The following ADGRB3 variants were observed in gnomAD, a reference collection of about 807,000 sequenced individuals.
The protein encoded by ADGRB3 is adhesion G protein-coupled receptor B3.
Under a neutral mutation model 193.4 loss-of-function variants are expected in ADGRB3, and 37 were observed. The observed-to-expected ratio is 0.19, with a 90% CI of 0.15 to 0.25. The LOEUF (loss-of-function observed/expected upper bound fraction) is 0.25. ADGRB3 is among the 10% of genes least tolerant of loss of function. The pLI, the probability that ADGRB3 is intolerant of heterozygous loss-of-function variation, is 1.00. For missense variants in ADGRB3, 1,637 were observed against 1,852.9 expected (o/e 0.88, Z 2.14); for synonymous variants, 690 against 644.2 (o/e 1.07, Z -1.08).
At chr6:69,373,033 T>G (rs1177298886) in intron 30 of ADGRB3, among the ~76,000 whole-genome samples, 4 of 152,050 alleles carry the variant, frequency 2.6e-5, no homozygotes. Flanking sequence ...TGAATTTATA[T>G]TGATGCTGTA....
At chr6:68,919,255 T>G (rs1378416254) in intron 3 of ADGRB3, among the ~76,000 whole-genome samples, 1 of 152,258 alleles carries the variant, frequency 6.6e-6, no homozygotes, top group East Asian at 1.9e-4. Context: ...TCTGCAGTAT[T>G]TCTGCTCAAA....
chr6:68,952,166 C>T (rs145334292), intron 6 of ADGRB3, among the ~76,000 whole-genome samples: 34 of 152,110 alleles, frequency 2.2e-4, no homozygotes, highest in African/African-American at 6.7e-4. Context: ...ATTTTTTTCT[C>T]ATTCAGTAAA....
rs562170701 is a variant in ADGRB3 at position 69,150,754 on chromosome 6, A to G, written c.2480+74716A>G. Among the ~76,000 whole-genome samples, 52 of 152,338 alleles carry G rather than the reference A, an allele frequency of 3.4e-4. 1 individual carries two copies. Among genetic ancestry groups the G allele is most frequent in the African/African-American group, 1.3e-3 (52 of 41,594 alleles). On this transcript the variant is annotated intron_variant, in intron 17 of 31. Coordinates refer to ENST00000370598, the MANE Select transcript of ADGRB3 (RefSeq NM_001704.3). ...AGTCAGCATATCTCACCCAAGGCCC[A>G]GAGTGTGTACTACCTGGTTATTGCT...
chr6:68,959,790 G>C (rs1185835770), intron 8 of ADGRB3, among the ~76,000 whole-genome samples: 1 of 152,040 alleles, frequency 6.6e-6, no homozygotes, highest in African/African-American at 2.4e-5. Flanking sequence ...AATAATGCTA[G>C]TTGGGCTATA....
At chr6:68,802,076 A>G (rs1767322238) in intron 3 of ADGRB3, among the ~76,000 whole-genome samples, 1 of 151,900 alleles carries the variant, frequency 6.6e-6, no homozygotes, top group African/African-American at 2.4e-5. Context: ...TTCAATGGAT[A>G]CACCCAAGGG....
Position 69,094,655 on chromosome 6 carries a change from G to A in ADGRB3, c.2480+18617G>A, listed in dbSNP as rs145184155. Reference sequence around the variant, plus strand: ...TACCAAATGTGTTTATTTTCTCATAGAGCATTCAAATCTTCATGGTTGGCT... The same window carrying A: ...TACCAAATGTGTTTATTTTCTCATAAAGCATTCAAATCTTCATGGTTGGCT... On this transcript the variant is annotated intron_variant, in intron 17 of 31. Coordinates refer to ENST00000370598, the MANE Select transcript of ADGRB3 (RefSeq NM_001704.3). Among the ~76,000 whole-genome samples the A allele has an allele frequency of 3.9e-5, 6 of 152,214 alleles. No individual in the cohort carries two copies. In the East Asian group the frequency reaches 1.2e-3, roughly 29 times the overall value.
At chr6:68,733,516 C>T (rs1015880773) in intron 3 of ADGRB3, among the ~76,000 whole-genome samples, 38 of 151,690 alleles carry the variant, frequency 2.5e-4, no homozygotes, top group Admixed American at 2.4e-3. Flanking sequence ...GCATTGAAAA[C>T]CTACCTTTTG....
intron 3 of ADGRB3, among the ~76,000 whole-genome samples, chr6:68,724,275 C>T (rs1765635691): frequency 6.6e-6 from 1 of 151,524 alleles, no homozygotes; most frequent in Admixed American, 6.6e-5. Context: ...GCACAGATGC[C>T]AAATTCCTAA....
At chr6:68,835,614 C>T (rs528608533) in intron 3 of ADGRB3, among the ~76,000 whole-genome samples, 4 of 152,048 alleles carry the variant, frequency 2.6e-5, no homozygotes, top group African/African-American at 9.6e-5. Flanking sequence ...AATTTCATCT[C>T]TTGTGTTTTC....
chr6:68,655,379 G>A (rs768706233), intron 3 of ADGRB3, among the ~76,000 whole-genome samples: 37 of 151,532 alleles, frequency 2.4e-4, no homozygotes, highest in Non-Finnish European at 3.5e-4. Context: ...ATGAGGTAAT[G>A]CATGTAAAAT....
intron 17 of ADGRB3, among the ~76,000 whole-genome samples, chr6:69,125,518 G>A (rs1295502302): frequency 6.6e-6 from 1 of 151,966 alleles, no homozygotes; most frequent in African/African-American, 2.4e-5. Flanking sequence ...GTGAAGACAG[G>A]GCTGGAAGGG....
intron 16 of ADGRB3, among the ~76,000 whole-genome samples, chr6:69,075,208 G>A (rs1043494498): frequency 2.6e-5 from 4 of 152,174 alleles, no homozygotes; most frequent in African/African-American, 9.7e-5. Context: ...CAGGAAATTA[G>A]TCATGTGGAG....
intron 3 of ADGRB3, among the ~76,000 whole-genome samples, chr6:68,759,981 T>C (rs1766367125): frequency 6.6e-6 from 1 of 152,168 alleles, no homozygotes; most frequent in African/African-American, 2.4e-5. Context: ...TTGGGTATGA[T>C]ACTATATTTT....
chr6:69,310,171 T>C (rs1768160559), intron 20 of ADGRB3, among the ~76,000 whole-genome samples: 1 of 151,802 alleles, frequency 6.6e-6, no homozygotes, highest in African/African-American at 2.4e-5. Context: ...GTCTTTCGGA[T>C]TTTGCTTCTC....
chr6:69,025,648 C>T (rs2150290544), intron 13 of ADGRB3, among the ~76,000 whole-genome samples: 1 of 151,986 alleles, frequency 6.6e-6, no homozygotes, highest in South Asian at 2.1e-4. Flanking sequence ...TGCTAAACAC[C>T]TGAAGCTAGT....
intron 3 of ADGRB3, among the ~76,000 whole-genome samples, chr6:68,816,318 G>T (rs1156779906): frequency 2.6e-5 from 4 of 151,656 alleles, no homozygotes; most frequent in African/African-American, 9.7e-5. Flanking sequence ...TTAAGAATCT[G>T]TACTGAGTTA....
At chr6:68,886,598 G>T (rs1294702664) in intron 3 of ADGRB3, among the ~76,000 whole-genome samples, 5 of 151,870 alleles carry the variant, frequency 3.3e-5, no homozygotes, top group Non-Finnish European at 5.9e-5. Context: ...TACTTTTTAG[G>T]CAATGTTTCA....
chr6:69,129,137 A>G (rs1773934256), intron 17 of ADGRB3, among the ~76,000 whole-genome samples: 1 of 152,154 alleles, frequency 6.6e-6, no homozygotes, highest in East Asian at 1.9e-4. Flanking sequence ...TGAGGTGGGC[A>G]TTACTATTAT....
At chr6:69,053,369 G>A (rs1771455143) in intron 15 of ADGRB3, among the ~76,000 whole-genome samples, 1 of 152,126 alleles carries the variant, frequency 6.6e-6, no homozygotes. Context: ...CTAAAACCAG[G>A]ACTCTTCTAC....
Sources: allele counts gnomAD v4.1 joint callset (sites outside exome capture counted in the v4.1 genomes callset), GRCh38; gene constraint gnomAD v4.1.1; transcripts MANE v1.5; gene names NCBI Gene and HGNC (gene_info 2026-07-23, HGNC 2026-07-21).